Variants in ZNF236 observed in about 807,000 individuals in gnomAD.
The protein encoded by ZNF236 is zinc finger protein 236.
ZNF236 carries 50 observed loss-of-function variants against 191.2 expected under a neutral mutation model. The observed-to-expected ratio is 0.26, with a 90% CI of 0.21 to 0.33. The LOEUF is 0.33. Ranked by LOEUF, ZNF236 falls within the 10% of genes least tolerant of loss-of-function variation. The probability of loss-of-function intolerance (pLI) is 1.00; values close to 1 mark genes in which losing one functional copy is unlikely to be tolerated. For missense variants in ZNF236, 1,754 were observed against 2,374.5 expected (o/e 0.74, Z 5.43); for synonymous variants, 907 against 928.8 (o/e 0.98, Z 0.43).
chr18:76,921,327 C>T (rs1967526802), intron 20 of ZNF236, among the ~76,000 whole-genome samples: 1 of 152,178 alleles, frequency 6.6e-6, no homozygotes, highest in Non-Finnish European at 1.5e-5. Flanking sequence ...CTCGTTGAGC[C>T]ATGCAGTGAA....
chr18:76,833,485 A>G (rs923329727), intron 1 of ZNF236, among the ~76,000 whole-genome samples: 1 of 152,146 alleles, frequency 6.6e-6, no homozygotes, highest in Admixed American at 6.6e-5. Flanking sequence ...TTTTGTTAAT[A>G]GGGTGAAAAA....
At chr18:76,906,515 C>T (rs1977745224) in intron 13 of ZNF236, among the ~76,000 whole-genome samples, 1 of 152,094 alleles carries the variant, frequency 6.6e-6, no homozygotes. Flanking sequence ...GCTTACCGTG[C>T]TAAGAAGAAT....
chr18:76,937,353 C>T lies in ZNF236; in HGVS notation c.4782+10C>T, dbSNP rs1968029942. On this transcript the variant is annotated intron_variant, in intron 26 of 30. Coordinates refer to ENST00000320610, the MANE Select transcript of ZNF236 (RefSeq NM_001306089.2). ...CAACATCACCTCTCAGGCAAGTGCT[C>T]CTCAGAGAGGGATGCGAAGGTCCTT... The T allele has an allele frequency of 3.8e-6, 6 of 1,587,572 alleles. No homozygotes were observed. The highest frequency in any genetic ancestry group is 5.2e-6 in the Non-Finnish European group (6 of 1,160,334).
At chr18:76,853,162 T>C (rs1233102330) in intron 3 of ZNF236, among the ~76,000 whole-genome samples, 1 of 151,884 alleles carries the variant, frequency 6.6e-6, no homozygotes, top group Non-Finnish European at 1.5e-5. Context: ...CACTTCAACC[T>C]CTGCCTCCTG....
intron 10 of ZNF236, among the ~76,000 whole-genome samples, chr18:76,897,797 G>A (rs1977478281): frequency 6.6e-6 from 1 of 152,222 alleles, no homozygotes; most frequent in Non-Finnish European, 1.5e-5. Flanking sequence ...CTGCACACAG[G>A]TGCTGAGAAG....
At chr18:76,841,642 TTGTC>T (rs201177547) in intron 1 of ZNF236, among the ~76,000 whole-genome samples, 3,688 of 152,164 alleles carry the variant, frequency 0.024, 55 homozygotes, top group Non-Finnish European at 0.033. Flanking sequence ...AAATCCAAAT[TTGTC>T]TGTCGTTTTT....
Position 76,925,654 on chromosome 18 carries a change from C to T in ZNF236, c.4027+100C>T, listed in dbSNP as rs1408605288. ...ACAGAAGAGATGTTGTTTACCGTAG[C>T]ACCACGTTTCCCTTCTTTGAGCCTT... On this transcript the variant is annotated intron_variant, in intron 22 of 30. Coordinates refer to ENST00000320610, the MANE Select transcript of ZNF236 (RefSeq NM_001306089.2). The surrounding 1 kb of genome is among the most constrained non-coding windows in gnomAD (Gnocchi z 5.7). The T allele has an allele frequency of 1.4e-6, 2 of 1,444,278 alleles. No individual in the cohort carries two copies. The highest frequency in any genetic ancestry group is 4.8e-5 in the East Asian group (2 of 41,956). 89.5% of individuals were successfully genotyped at this position (1,444,278 alleles called of 1,614,324 possible). A position where few individuals can be genotyped will look rare whatever the true frequency, so the allele number is the denominator to read the frequency against.
At position 76,905,291 on chromosome 18, in the gene ZNF236, A is replaced by G. The variant is rs776122097; in HGVS notation, c.2173A>G (p.Thr725Ala). The change falls in exon 13 of 31, where the codon ACT becomes GCT. Residue 725 changes from threonine (T) to alanine (A), a missense_variant. By Grantham distance (58) the Thr-to-Ala change is moderately conservative. Transcript: ENST00000320610. ...GTGTCTGATATGTAATGGGGCTTTC[A>G]CTACTGGTGGCAGCTTACGGCGACA... Reference protein sequence around the residue: ...FKCLICNGAFTTGGSLRRHMG... With the variant: ...FKCLICNGAFATGGSLRRHMG... 5 of 1,614,222 alleles carry G rather than the reference A, an allele frequency of 3.1e-6. No homozygotes were observed. The South Asian group carries it at 4.4e-5, about 14-fold the overall frequency.
chr18:76,940,360 C>G (rs987865126), intron 26 of ZNF236, among the ~76,000 whole-genome samples: 4 of 148,924 alleles, frequency 2.7e-5, no homozygotes, highest in African/African-American at 9.9e-5. Context: ...GTGGGCGACC[C>G]TAGCATTGCG....
intron 25 of ZNF236, among the ~76,000 whole-genome samples, chr18:76,935,224 C>G (rs1206581590): frequency 6.6e-6 from 1 of 152,168 alleles, no homozygotes. Flanking sequence ...GTCATGTGTT[C>G]TTTTCAATCA....
chr18:76,909,187 T>C (rs1303154291), intron 14 of ZNF236, among the ~76,000 whole-genome samples: 5 of 151,928 alleles, frequency 3.3e-5, no homozygotes, highest in African/African-American at 4.8e-5. Context: ...TGGTGGTGCA[T>C]ACCTGTAATC....
Position 76,915,705 on chromosome 18 carries a change from C to G in ZNF236, c.3120C>G (p.Leu1040=). The G allele has an allele frequency of 6.2e-7, 1 of 1,614,164 alleles. No individual in the cohort carries two copies. Among genetic ancestry groups the G allele is most frequent in the East Asian group, 2.2e-5 (1 of 44,876 alleles). The change falls in exon 19 of 31, where the codon CTC becomes CTG. Residue 1040 remains leucine (L), a synonymous_variant. Coordinates refer to ENST00000320610, the MANE Select transcript of ZNF236 (RefSeq NM_001306089.2). ...CNASFTTNGS[L]TRHMATHMSM... is the part of the protein sequence containing the mutation. Reference sequence around the variant, plus strand: ...CTTCCTTCACCACCAATGGCAGCCTCACCCGGCACATGGCCACACATATGA... The same window carrying G: ...CTTCCTTCACCACCAATGGCAGCCTGACCCGGCACATGGCCACACATATGA...
At chr18:76,848,517 CAT>C in intron 1 of ZNF236, among the ~76,000 whole-genome samples, 1 of 152,028 alleles carries the variant, frequency 6.6e-6, no homozygotes, top group East Asian at 1.9e-4. Flanking sequence ...TGTTATTTGT[CAT>C]ATATAGTCTT....
chr18:76,831,282 A>G (rs1975162392), intron 1 of ZNF236, among the ~76,000 whole-genome samples: 1 of 152,140 alleles, frequency 6.6e-6, no homozygotes, highest in Non-Finnish European at 1.5e-5. Flanking sequence ...CTTCCCCAGA[A>G]TGTCACATAG....
intron 1 of ZNF236, among the ~76,000 whole-genome samples, chr18:76,839,615 G>A (rs1271964683): frequency 6.6e-6 from 1 of 152,086 alleles, no homozygotes; most frequent in Non-Finnish European, 1.5e-5. Context: ...CCCTCAAGTC[G>A]TCTGACTCCA....
chr18:76,839,421 G>A (rs1257004576), intron 1 of ZNF236, among the ~76,000 whole-genome samples: 1 of 152,176 alleles, frequency 6.6e-6, no homozygotes, highest in East Asian at 1.9e-4. Context: ...GTAGCCATCT[G>A]ATGGGTGTGC....
chr18:76,944,256 A>G (rs1024242101), intron 26 of ZNF236, among the ~76,000 whole-genome samples: 3 of 152,182 alleles, frequency 2.0e-5, no homozygotes, highest in African/African-American at 7.2e-5. Context: ...GCTTGCTGTT[A>G]CATTCTCATG....
At chr18:76,893,057 C>T (rs1202011486) in intron 9 of ZNF236, among the ~76,000 whole-genome samples, 3 of 152,140 alleles carry the variant, frequency 2.0e-5, no homozygotes, top group African/African-American at 4.8e-5. Flanking sequence ...ACTTCCAGTT[C>T]GTAGTCTCTG....
chr18:76,893,547 G>A (rs1977310664), intron 9 of ZNF236, among the ~76,000 whole-genome samples: 3 of 151,226 alleles, frequency 2.0e-5, no homozygotes, highest in South Asian at 2.1e-4. Context: ...TGGCTCTGTC[G>A]CCCAGGCTGG....
Sources: gnomAD v4.1 joint callset for allele counts (sites outside exome capture counted in the v4.1 genomes callset) on GRCh38, gnomAD v4.1.1 for gene constraint, Gnocchi (gnomAD v3.1) non-coding constraint, MANE v1.5 for transcripts, NCBI Gene and HGNC (gene_info 2026-07-23, HGNC 2026-07-21) for gene names.